Variants in STXBP6 observed in about 807,000 individuals in gnomAD.
The protein encoded by STXBP6 is syntaxin-binding protein 6.
Under a neutral mutation model 26.9 loss-of-function variants are expected in STXBP6, and 21 were observed. The observed-to-expected ratio is 0.78, with a 90% CI of 0.55 to 1.12. The LOEUF is 1.12. Ranked by LOEUF, STXBP6 falls within the 50% of genes most tolerant of loss-of-function variation. The pLI, the probability that STXBP6 is intolerant of heterozygous loss-of-function variation, is 0.00. For synonymous variants in STXBP6, 97 were observed against 92.6 expected, an observed-to-expected ratio of 1.05 and a Z score of -0.27; for missense variants, 232 against 257.9, an observed-to-expected ratio of 0.90 and a Z score of 0.69.
At chr14:24,981,777 A>G (rs2074198664) in intron 1 of STXBP6, among the ~76,000 whole-genome samples, 1 of 152,202 alleles carries the variant, frequency 6.6e-6, no homozygotes, top group Non-Finnish European at 1.5e-5. Flanking sequence ...CATTTTTAAG[A>G]AAAAATCATC....
chr14:24,855,007 T>C (rs2069278548), intron 4 of STXBP6, among the ~76,000 whole-genome samples: 1 of 152,114 alleles, frequency 6.6e-6, no homozygotes, highest in Non-Finnish European at 1.5e-5. Flanking sequence ...GGAATGCCAA[T>C]ACCTCAGTGG....
intron 2 of STXBP6, among the ~76,000 whole-genome samples, chr14:24,962,368 C>T (rs2073577936): frequency 6.6e-6 from 1 of 151,474 alleles, no homozygotes; most frequent in Non-Finnish European, 1.5e-5. Context: ...CTCACTCTGT[C>T]ACCCAGCCTG....
At chr14:25,026,035 A>G (rs1047255378) in intron 1 of STXBP6, among the ~76,000 whole-genome samples, 10 of 152,180 alleles carry the variant, frequency 6.6e-5, no homozygotes, top group African/African-American at 2.4e-4. Context: ...TTGACTTTAC[A>G]TTGTTGGTGG....
At chr14:24,971,171 TA>T (rs1402716570) in intron 2 of STXBP6, among the ~76,000 whole-genome samples, 4 of 152,126 alleles carry the variant, frequency 2.6e-5, no homozygotes, top group Admixed American at 2.0e-4. Flanking sequence ...GCTCTGAAAA[TA>T]GTAAGTCTTA....
At chr14:24,822,483 A>G (rs2068163280) in intron 4 of STXBP6, among the ~76,000 whole-genome samples, 1 of 152,210 alleles carries the variant, frequency 6.6e-6, no homozygotes, top group Non-Finnish European at 1.5e-5. Flanking sequence ...TCAACATTCA[A>G]AACTATTCAT....
chr14:24,931,385 G>GA (rs1175335808), intron 2 of STXBP6, among the ~76,000 whole-genome samples: 1 of 151,442 alleles, frequency 6.6e-6, no homozygotes, highest in Non-Finnish European at 1.5e-5. Flanking sequence ...TAAAGCATAA[G>GA]AAAAAAAAGT....
At chr14:25,006,260 AGGAGGCTG>A (rs2074896511) in intron 1 of STXBP6, among the ~76,000 whole-genome samples, 1 of 152,160 alleles carries the variant, frequency 6.6e-6, no homozygotes, top group Non-Finnish European at 1.5e-5. Flanking sequence ...CTAACTCCAA[AGGAGGCTG>A]GGAAATGCAT....
intron 4 of STXBP6, among the ~76,000 whole-genome samples, chr14:24,829,818 G>A (rs982424363): frequency 6.6e-6 from 1 of 152,090 alleles, no homozygotes; most frequent in Non-Finnish European, 1.5e-5. Context: ...CTACGGTCTA[G>A]AAACAGGAGG....
chr14:24,963,290 G>A (rs1039380011), intron 2 of STXBP6, among the ~76,000 whole-genome samples: 9 of 152,274 alleles, frequency 5.9e-5, no homozygotes, highest in African/African-American at 1.7e-4. Flanking sequence ...AGACGAGGGC[G>A]GCTAATGCTT....
intron 2 of STXBP6, among the ~76,000 whole-genome samples, chr14:24,949,783 A>T (rs575332212): frequency 6.6e-6 from 1 of 152,300 alleles, no homozygotes; most frequent in East Asian, 1.9e-4. Context: ...AACAGGCTGT[A>T]AATTACTCCT....
intron 2 of STXBP6, among the ~76,000 whole-genome samples, chr14:24,907,173 T>C (rs1313194436): frequency 2.0e-5 from 3 of 152,134 alleles, no homozygotes; most frequent in South Asian, 4.1e-4. Flanking sequence ...AAATTTGTGA[T>C]GTTCTCAACA....
chr14:24,846,005 C>A (rs1325435559), intron 4 of STXBP6, among the ~76,000 whole-genome samples: 6 of 152,138 alleles, frequency 3.9e-5, no homozygotes, highest in Non-Finnish European at 8.8e-5. Flanking sequence ...TTCTGGAGTC[C>A]AGAACTGAAA....
rs59675442 is a variant in STXBP6 at position 25,009,571 on chromosome 14, C to T, written c.-32-34721G>A. On this transcript the variant is annotated intron_variant, in intron 1 of 5. Coordinates refer to ENST00000323944, the MANE Select transcript of STXBP6 (RefSeq NM_001394410.1). ...AAACAGAAACCCAACAAGCCCAGTC[C>T]GACAAAGTGAGGAGCACGCCATCGC... is the stretch of plus-strand genomic sequence containing the variant. Among the ~76,000 whole-genome samples, 1,521 of 152,234 alleles carry T rather than the reference C, an allele frequency of 1.0e-2. 19 individuals are homozygous for T. The highest frequency in any genetic ancestry group is 0.033 in the African/African-American group (1,384 of 41,520).
chr14:24,976,439 T>C (rs1024145695), intron 1 of STXBP6, among the ~76,000 whole-genome samples: 1 of 152,240 alleles, frequency 6.6e-6, no homozygotes, highest in African/African-American at 2.4e-5. Flanking sequence ...TGTATCTAGA[T>C]ATCCTAGAAA....
chr14:24,879,104 T>C (rs773356468), intron 2 of STXBP6, among the ~76,000 whole-genome samples: 3 of 152,074 alleles, frequency 2.0e-5, no homozygotes, highest in Non-Finnish European at 4.4e-5. Flanking sequence ...CTACGAGCCA[T>C]GTCAACAAAG....
At chr14:24,989,971 T>C (rs1352378435) in intron 1 of STXBP6, among the ~76,000 whole-genome samples, 1 of 152,164 alleles carries the variant, frequency 6.6e-6, no homozygotes, top group Non-Finnish European at 1.5e-5. Context: ...AGAACTAGAA[T>C]TGTGACAGAG....
At chr14:25,026,996 G>A (rs2075361581) in intron 1 of STXBP6, among the ~76,000 whole-genome samples, 1 of 152,218 alleles carries the variant, frequency 6.6e-6, no homozygotes, top group African/African-American at 2.4e-5. Flanking sequence ...CATACATATT[G>A]TTAGGAGCTA....
chr14:25,017,684 G>C (rs905596290), intron 1 of STXBP6, among the ~76,000 whole-genome samples: 1 of 152,198 alleles, frequency 6.6e-6, no homozygotes, highest in South Asian at 2.1e-4. Flanking sequence ...GTAATCCCTG[G>C]GGAACATTAA....
At chr14:24,819,308 G>A (rs1211181419) in intron 4 of STXBP6, 114 bp from the exon 5 acceptor site, 9 of 1,211,296 alleles carry the variant, frequency 7.4e-6, no homozygotes, top group South Asian at 1.2e-5. Context: ...CAGAAAGGCC[G>A]CTCGTCTAGT....
Sources: gnomAD v4.1 joint callset for allele counts (sites outside exome capture counted in the v4.1 genomes callset) on GRCh38, gnomAD v4.1.1 for gene constraint, MANE v1.5 for transcripts, NCBI Gene and HGNC (gene_info 2026-07-23, HGNC 2026-07-21) for gene names.